Variants in EPHA8 observed in about 807,000 individuals in gnomAD.
EPHA8 encodes ephrin type-A receptor 8.
In EPHA8, 58 loss-of-function variants were observed where a neutral mutation model predicts 103.6. The ratio of observed to expected loss-of-function variants is 0.56; its 90% CI spans 0.45 to 0.70. EPHA8 has a LOEUF of 0.70. EPHA8 is among the 30% of genes least tolerant of loss of function. The pLI, the probability that EPHA8 is intolerant of heterozygous loss-of-function variation, is 0.00. For missense variants in EPHA8, 1,304 were observed against 1,395.2 expected, an observed-to-expected ratio of 0.93 and a Z score of 1.04; for synonymous variants, 559 against 572.5, an observed-to-expected ratio of 0.98 and a Z score of 0.34.
rs758537106 is a variant in EPHA8 at position 22,597,838 on chromosome 1, G to C, written c.2093G>C (p.Arg698Pro). ...CAATTCGACCATCCCAACATCATCC[G>C]CCTCGAGGGTGTCGTCACCCGTGGT... ...MGQFDHPNII[R>P]LEGVVTRGRL... Residue 698 changes from arginine to proline, a missense_variant, in exon 11 of 17, where the codon CGC becomes CCC. Transcript: ENST00000166244. This position sits in a 1 kb window ranked among gnomAD's most constrained non-coding sequence, Gnocchi z 4.6. The C allele has an allele frequency of 2.5e-6, 4 of 1,611,384 alleles. No homozygotes were observed. The highest frequency in any genetic ancestry group is 1.7e-5 in the Admixed American group (1 of 59,858).
intron 13 of EPHA8, 115 bp from the exon 14 acceptor site, chr1:22,600,546 G>A: frequency 1.4e-6 from 2 of 1,400,558 alleles, no homozygotes; most frequent in Non-Finnish European, 1.9e-6. Context: ...TGGGGGCTGT[G>A]TTGTCCCTCT....
chr1:22,569,239 C>A lies in EPHA8; in HGVS notation c.95-50C>A, dbSNP rs1261446556. On this transcript the variant is annotated intron_variant, in intron 1 of 16. Coordinates refer to ENST00000166244, the MANE Select transcript of EPHA8 (RefSeq NM_020526.5). The surrounding 1 kb of genome is among the most constrained non-coding windows in gnomAD (Gnocchi z 4.5). ...GCTGGGTCAGGCTGCTCTTGAGGAG[C>A]TGGGGAGAAGTCAGAGGGGCCTGAT... The A allele has an allele frequency of 6.3e-7, 1 of 1,599,434 alleles. No individual in the cohort carries two copies. Among genetic ancestry groups the A allele is most frequent in the Non-Finnish European group, 8.6e-7 (1 of 1,167,618 alleles).
rs1203953260 is a variant in EPHA8 at position 22,585,902 on chromosome 1, CTG to C, written c.824-576_824-575del. 5.9e-5 allele frequency among the ~76,000 whole-genome samples: 9 copies of C among 152,270 alleles called. No individual in the cohort carries two copies. The East Asian group carries it at 1.7e-3, about 29-fold the overall frequency. Reference sequence around the variant, plus strand: ...AGCTGTCTGTGGTGGGGCCAGGAATCTGTATTTTTATGGAGGTGGCTCCATGT... The same window carrying C: ...AGCTGTCTGTGGTGGGGCCAGGAATCTATTTTTATGGAGGTGGCTCCATGT... On this transcript the variant is annotated intron_variant, in intron 3 of 16. Coordinates refer to ENST00000166244, the MANE Select transcript of EPHA8 (RefSeq NM_020526.5).
At chr1:22,582,370 C>T (rs552465176) in intron 3 of EPHA8, among the ~76,000 whole-genome samples, 1 of 152,334 alleles carries the variant, frequency 6.6e-6, no homozygotes, top group East Asian at 1.9e-4. Context: ...CCCCCTTCAA[C>T]AGCTGCCCTC....
At chr1:22,585,056 C>A (rs1268665513) in intron 3 of EPHA8, among the ~76,000 whole-genome samples, 1 of 86,636 alleles carries the variant, frequency 1.2e-5, no homozygotes, top group African/African-American at 7.4e-5. Flanking sequence ...TGTGTGCGCA[C>A]GCGTGTGTCT....
At chr1:22,577,831 CGT>C (rs1403943209) in intron 3 of EPHA8, among the ~76,000 whole-genome samples, 3 of 121,040 alleles carry the variant, frequency 2.5e-5, no homozygotes, top group African/African-American at 3.5e-5. Flanking sequence ...TGCATGTGTG[CGT>C]GTGTGCATGT....
chr1:22,597,333 C>T lies in EPHA8; in HGVS notation c.1787C>T (p.Pro596Leu). The change falls in exon 10 of 17, where the codon CCT becomes CTT. Residue 596 changes from proline to leucine, a missense_variant. Transcript: ENST00000166244. The surrounding 1 kb of genome is among the most constrained non-coding windows in gnomAD (Gnocchi z 4.6). ...NGQAPPPVFLPLHHPPGKLPE... is the reference protein window; with the variant it reads ...NGQAPPPVFLLLHHPPGKLPE... ...TCAGCACCCCCACCTGTCTTCCTGC[C>T]TCTGCATCACCCCCCGGGAAAGCTC... 1.2e-6 allele frequency: 2 copies of T among 1,608,510 alleles called. No individual in the cohort carries two copies. The highest frequency in any genetic ancestry group is 1.7e-6 in the Non-Finnish European group (2 of 1,176,606).
chr1:22,576,347 T>C lies in EPHA8; in HGVS notation c.290T>C (p.Val97Ala). ...GTCCCCCGAGACGGCGCCCGGCGCG[T>C]CTATGCTGAGATCAAGTTTACCCTG... The part of the protein sequence containing the change: ...SWVPRDGARR[V>A]YAEIKFTLRD... Residue 97 changes from valine to alanine, a missense_variant, in exon 3 of 17, where the codon GTC becomes GCC. Val to Ala is a moderately conservative substitution (Grantham distance 64). Coordinates refer to ENST00000166244, the MANE Select transcript of EPHA8 (RefSeq NM_020526.5). The surrounding 1 kb of genome is among the most constrained non-coding windows in gnomAD (Gnocchi z 4.8). 1.2e-6 allele frequency: 2 copies of C among 1,612,598 alleles called. No homozygotes were observed. Among genetic ancestry groups the C allele is most frequent in the Middle Eastern group, 1.6e-4 (1 of 6,062 alleles).
At chr1:22,594,747 C>G (rs1641470589) in intron 7 of EPHA8, among the ~76,000 whole-genome samples, 1 of 152,220 alleles carries the variant, frequency 6.6e-6, no homozygotes, top group Non-Finnish European at 1.5e-5. Context: ...ATCCTGAGCC[C>G]TCCATCCCAT....
rs147290332 is a variant in EPHA8, at chr1:22,585,761, CG to C, written c.824-715del. ...AGAGGGTCAGTCCCAGCCACAGTGA[CG>C]GGGACAGTGACAGTGTGGGCCTGGG... On this transcript the variant is annotated intron_variant, in intron 3 of 16. Coordinates refer to ENST00000166244, the MANE Select transcript of EPHA8 (RefSeq NM_020526.5). Among the ~76,000 whole-genome samples, 22 of 152,288 alleles carry C rather than the reference CG, an allele frequency of 1.4e-4. 1 individual carries two copies. In the East Asian group the frequency reaches 4.2e-3, roughly 29 times the overall value.
Position 22,601,557 on chromosome 1 carries a change from A to G in EPHA8, c.2904-70A>G, listed in dbSNP as rs917262774. 65 of 1,593,390 alleles carry G rather than the reference A, an allele frequency of 4.1e-5. No individual in the cohort carries two copies. The African/African-American group carries it at 7.9e-4, about 19-fold the overall frequency. On this transcript the variant is annotated intron_variant, in intron 16 of 16. Coordinates refer to ENST00000166244, the MANE Select transcript of EPHA8 (RefSeq NM_020526.5). Reference sequence around the variant, plus strand: ...CCGGGGAGGCTACAGGTCCAGATCCATGGCCCTGGCTGCGTGCGCGGCTCC... The same window carrying G: ...CCGGGGAGGCTACAGGTCCAGATCCGTGGCCCTGGCTGCGTGCGCGGCTCC...
At chr1:22,594,266 C>T (rs1189803158) in intron 7 of EPHA8, among the ~76,000 whole-genome samples, 1 of 152,234 alleles carries the variant, frequency 6.6e-6, no homozygotes, top group Non-Finnish European at 1.5e-5. Context: ...CTGCACCCGG[C>T]CTCTGTCAGC....
Position 22,601,322 on chromosome 1 carries a change from C to G in EPHA8, c.2752C>G (p.Arg918Gly). Residue 918 changes from arginine to glycine, a missense_variant, in exon 16 of 17, where the codon CGG becomes GGG. Arg to Gly is a moderately radical substitution (Grantham distance 125). Transcript: ENST00000166244. ...VSRCPPPAFVRSCFDLRGGSG... is the reference protein window; with the variant it reads ...VSRCPPPAFVGSCFDLRGGSG... ...CAGGTGCCCACCCCCTGCCTTCGTC[C>G]GGAGCTGCTTTGACCTCCGAGGGGG... is the stretch of plus-strand genomic sequence containing the variant. 6.2e-7 allele frequency: 1 copy of G among 1,604,800 alleles called. No homozygotes were observed. The highest frequency in any genetic ancestry group is 8.5e-7 in the Non-Finnish European group (1 of 1,177,518).
chr1:22,597,301 C>G lies in EPHA8; in HGVS notation c.1766-11C>G. 1 of 1,593,168 alleles carries G rather than the reference C, an allele frequency of 6.3e-7. No individual in the cohort carries two copies. Among genetic ancestry groups the G allele is most frequent in the Admixed American group, 1.7e-5 (1 of 58,776 alleles). On this transcript the variant is annotated splice_polypyrimidine_tract_variant and intron_variant, in intron 9 of 16. Coordinates refer to ENST00000166244, the MANE Select transcript of EPHA8 (RefSeq NM_020526.5). The surrounding 1 kb of genome is among the most constrained non-coding windows in gnomAD (Gnocchi z 4.6). ...CTGGGCCCCACTGAAGGCCCTCCTCCCGCCCCTCAGCACCCCCACCTGTCT... is the reference window on the plus strand; with the variant it reads ...CTGGGCCCCACTGAAGGCCCTCCTCGCGCCCCTCAGCACCCCCACCTGTCT...
intron 5 of EPHA8, 137 bp from the exon 6 acceptor site, chr1:22,593,189 G>A: frequency 2.2e-6 from 3 of 1,334,832 alleles, no homozygotes; most frequent in South Asian, 3.0e-5. Context: ...GGTGCTGGCT[G>A]TCCTGGGGCT....
At chr1:22,577,544 G>A (rs1346252290) in intron 3 of EPHA8, among the ~76,000 whole-genome samples, 1 of 152,142 alleles carries the variant, frequency 6.6e-6, no homozygotes, top group African/African-American at 2.4e-5. Context: ...TCTGGGTTGG[G>A]CCTGTCCCTG....
At chr1:22,594,271 G>A (rs1641457397) in intron 7 of EPHA8, among the ~76,000 whole-genome samples, 1 of 152,242 alleles carries the variant, frequency 6.6e-6, no homozygotes, top group South Asian at 2.1e-4. Flanking sequence ...CCCGGCCTCT[G>A]TCAGCATTTG....
At chr1:22,572,878 T>C (rs1640582136) in intron 2 of EPHA8, among the ~76,000 whole-genome samples, 1 of 152,150 alleles carries the variant, frequency 6.6e-6, no homozygotes, top group Admixed American at 6.5e-5. Context: ...GCACCAGACC[T>C]CCAGGAGTCT....
intron 1 of EPHA8, among the ~76,000 whole-genome samples, chr1:22,566,797 C>G (rs565512586): frequency 3.3e-5 from 5 of 152,238 alleles, no homozygotes; most frequent in South Asian, 4.1e-4. Flanking sequence ...CTCATCAAAC[C>G]TCCTATGGAC....
Sources: allele counts gnomAD v4.1 joint callset (sites outside exome capture counted in the v4.1 genomes callset), GRCh38; gene constraint gnomAD v4.1.1; non-coding constraint Gnocchi (gnomAD v3.1); transcripts MANE v1.5; gene names NCBI Gene and HGNC (gene_info 2026-07-23, HGNC 2026-07-21).